SMARCA1: variants seen among roughly 807,000 people sequenced by gnomAD.
The protein encoded by SMARCA1 is SWI/SNF-related matrix-associated actin-dependent regulator of chromatin subfamily A member 1.
A neutral mutation model predicts 93.6 loss-of-function variants in SMARCA1; 17 were observed. The observed-to-expected ratio is 0.18, with a 90% CI of 0.12 to 0.27. SMARCA1 has a LOEUF of 0.27. SMARCA1 is among the 10% of genes least tolerant of loss of function. The pLI is 1.00. For synonymous variants in SMARCA1, 271 were observed against 271.4 expected (o/e 1.00, Z 0.01); for missense variants, 630 against 819.0 (o/e 0.77, Z 2.82).
chrX:129,476,703 G>A (rs1933402336), intron 19 of SMARCA1, among the ~76,000 whole-genome samples: 1 of 112,188 alleles, frequency 8.9e-6, no homozygotes, highest in East Asian at 2.8e-4. Context: ...TTGTTCATTT[G>A]AGGATAAACT....
rs1405251741 is a variant in SMARCA1 at position 129,511,703 on chromosome X, A to C, written c.810+101T>G. On this transcript the variant is annotated intron_variant, in intron 6 of 24. Coordinates refer to ENST00000371121, the MANE Select transcript of SMARCA1 (RefSeq NM_001282874.2). ...AGTACATACACCTTAAGTCTTATTT[A>C]GTAGTAGTCAACTCAGATGTTTTTA... 4 of 604,496 alleles carry C rather than the reference A, an allele frequency of 6.6e-6. No homozygotes were observed. The East Asian group carries it at 1.3e-4, about 20-fold the overall frequency. 49.8% of individuals were successfully genotyped at this position (604,496 alleles called of 1,213,427 possible).
intron 23 of SMARCA1, among the ~76,000 whole-genome samples, chrX:129,456,365 A>G (rs1932622318): frequency 8.9e-6 from 1 of 112,212 alleles, no homozygotes; most frequent in Non-Finnish European, 1.9e-5. Flanking sequence ...GAGATAATGT[A>G]TAAGGATATT....
rs1455446162 is a variant in SMARCA1, at chrX:129,499,824, C to T, written c.1185G>A (p.Leu395=). Residue 395 remains leucine (L), a synonymous_variant, in exon 10 of 25, where the codon TTG becomes TTA. Transcript: ENST00000371121. ...ERLHAVLKPF[L]LRRIKTDVEK... Reference sequence around the variant, plus strand: ...CTACATCAGTTTTTATACGGCGTAACAAAAATGGTTTTAAAACCTAAAAGG... The same window carrying T: ...CTACATCAGTTTTTATACGGCGTAATAAAAATGGTTTTAAAACCTAAAAGG... 1 of 1,135,960 alleles carries T rather than the reference C, an allele frequency of 8.8e-7. No individual in the cohort carries two copies. Among genetic ancestry groups the T allele is most frequent in the African/African-American group, 1.8e-5 (1 of 56,118 alleles). 93.6% of individuals were successfully genotyped at this position (1,135,960 alleles called of 1,213,427 possible).
Position 129,504,779 on chromosome X carries a change from A to C in SMARCA1, c.1122T>G (p.Thr374=), listed in dbSNP as rs1934750392. Residue 374 remains threonine, a synonymous_variant, in exon 9 of 25, where the codon ACT becomes ACG. Transcript: ENST00000371121. The part of the protein sequence containing the change: ...SADDFDSWFD[T]KNCLGDQKLV... ...GTTTTTGATCACCAAGACAATTTTT[A>C]GTGTCAAACCAAGAATCAAAGTCCT... The C allele has an allele frequency of 2.5e-6, 3 of 1,200,267 alleles. No individual in the cohort carries two copies. The African/African-American group carries it at 5.3e-5, about 21-fold the overall frequency.
chrX:129,496,277 G>A (rs768864350), intron 12 of SMARCA1, among the ~76,000 whole-genome samples: 1 of 106,641 alleles, frequency 9.4e-6, no homozygotes, highest in East Asian at 2.9e-4. Context: ...TTTTACAAGA[G>A]CTCTATAAGA....
chrX:129,497,157 T>C (rs111377493), intron 11 of SMARCA1, among the ~76,000 whole-genome samples: 49 of 111,129 alleles, frequency 4.4e-4, no homozygotes, highest in African/African-American at 1.5e-3. Context: ...TAAGGATGAA[T>C]GATGGGTCCA....
chrX:129,456,366 T>C (rs1040904055), intron 23 of SMARCA1, among the ~76,000 whole-genome samples: 9 of 112,086 alleles, frequency 8.0e-5, no homozygotes, highest in African/African-American at 2.9e-4. Flanking sequence ...AGATAATGTA[T>C]AAGGATATTG....
At chrX:129,480,947 G>C in intron 18 of SMARCA1, 128 bp downstream of exon 18, 4 of 564,281 alleles carry the variant, frequency 7.1e-6, no homozygotes, top group Non-Finnish European at 1.1e-5. Context: ...GGCCAAATCA[G>C]ATACTTTTTT....
At position 129,523,211 on chromosome X, in the gene SMARCA1, C is replaced by T. The variant is rs148910244; in HGVS notation, c.160G>A (p.Glu54Lys). 22 of 1,209,771 alleles carry T rather than the reference C, an allele frequency of 1.8e-5. No homozygotes were observed. Among genetic ancestry groups the T allele is most frequent in the Middle Eastern group, 2.3e-4 (1 of 4,375 alleles). Residue 54 changes from glutamate (E) to lysine (K), a missense_variant, in exon 1 of 25, where the codon GAG (glutamate) becomes AAG (lysine). This residue lies in a region of SMARCA1 where 103 missense variants were observed against 82.0 expected (regional missense o/e 1.26). Coordinates refer to ENST00000371121, the MANE Select transcript of SMARCA1 (RefSeq NM_001282874.2). Reference sequence around the variant, plus strand: ...TTCCTATTTACCTCCTTCTTCTTCTCGCCCTTCTCCGTGGCCGCGGTGGCT... The same window carrying T: ...TTCCTATTTACCTCCTTCTTCTTCTTGCCCTTCTCCGTGGCCGCGGTGGCT... ...TEATAATEKG[E>K]KKKEKNVSSF...
chrX:129,518,217 A>G (rs1052592117), intron 2 of SMARCA1, 144 bp downstream of exon 2: 7 of 351,990 alleles, frequency 2.0e-5, no homozygotes, highest in Non-Finnish European at 3.5e-5. Flanking sequence ...AAATATTGTG[A>G]TAGATTGTAT....
At chrX:129,448,267 T>C in intron 24 of SMARCA1, 66 bp downstream of exon 24, 1 of 1,018,059 alleles carries the variant, frequency 9.8e-7, no homozygotes, top group Non-Finnish European at 1.4e-6. Flanking sequence ...AAACATAATA[T>C]AGGCATTTTA....
chrX:129,520,138 C>CGT (rs374631579), intron 1 of SMARCA1, among the ~76,000 whole-genome samples: 19,862 of 96,105 alleles, frequency 0.21, 1,781 homozygotes, highest in African/African-American at 0.3. Flanking sequence ...AACCTTCTCT[C>CGT]GTGTGTGTGT....
chrX:129,514,325 A>T (rs1935118258), intron 5 of SMARCA1, among the ~76,000 whole-genome samples: 1 of 111,934 alleles, frequency 8.9e-6, no homozygotes, highest in South Asian at 3.7e-4. Flanking sequence ...TCAAAAAAAA[A>T]AAAGCCTTCA....
intron 5 of SMARCA1, among the ~76,000 whole-genome samples, chrX:129,512,635 A>C (rs1935054017): frequency 8.9e-6 from 1 of 112,088 alleles, no homozygotes; most frequent in African/African-American, 3.2e-5. Flanking sequence ...TCGGCCTCTT[A>C]AAACTGCTTT....
chrX:129,480,962 T>C (rs1265465993), intron 18 of SMARCA1, 113 bp downstream of exon 18: 2 of 559,728 alleles, frequency 3.6e-6, no homozygotes, highest in African/African-American at 4.8e-5. Context: ...TTTTTTGTAC[T>C]GTTATATTTT....
chrX:129,501,843 G>A (rs751553491), intron 9 of SMARCA1, among the ~76,000 whole-genome samples: 1 of 110,793 alleles, frequency 9.0e-6, no homozygotes, highest in Non-Finnish European at 1.9e-5. Context: ...TCAATCTCTT[G>A]ACCTCATGAT....
intron 12 of SMARCA1, 111 bp from the exon 13 acceptor site, chrX:129,493,186 G>A (rs1934194003): frequency 3.1e-6 from 1 of 323,293 alleles, no homozygotes; most frequent in Non-Finnish European, 5.6e-6. Context: ...AAGAATAGGG[G>A]GATGAATTAC....
chrX:129,513,534 TTA>T (rs60158529), intron 5 of SMARCA1, among the ~76,000 whole-genome samples: 25,892 of 102,751 alleles, frequency 0.25, 3,906 homozygotes, highest in African/African-American at 0.54. Context: ...CAAAAAAAAA[TTA>T]TATATATATA....
chrX:129,510,343 C>A (rs1194628995), intron 6 of SMARCA1, among the ~76,000 whole-genome samples: 1 of 112,536 alleles, frequency 8.9e-6, no homozygotes, highest in Non-Finnish European at 1.9e-5. Context: ...AAAGTCACAA[C>A]CCACTAATGG....
Sources: allele counts gnomAD v4.1 joint callset (sites outside exome capture counted in the v4.1 genomes callset), GRCh38; gene constraint gnomAD v4.1.1; regional missense constraint gnomAD v4.1.1; transcripts MANE v1.5; gene names NCBI Gene and HGNC (gene_info 2026-07-23, HGNC 2026-07-21).